THSD7B: variants seen among roughly 807,000 people sequenced by gnomAD.
The protein encoded by THSD7B is thrombospondin type-1 domain-containing protein 7B.
A neutral mutation model predicts 213.6 loss-of-function variants in THSD7B; 138 were observed. The observed-to-expected ratio is 0.65, with a 90% CI of 0.56 to 0.74. The LOEUF (loss-of-function observed/expected upper bound fraction) is 0.74. Ranked by LOEUF, THSD7B falls within the 30% of genes least tolerant of loss-of-function variation. The pLI, the probability that THSD7B is intolerant of heterozygous loss-of-function variation, is 0.00. For missense variants in THSD7B, 1,931 were observed against 1,991.5 expected (o/e 0.97, Z 0.58); for synonymous variants, 742 against 687.0 (o/e 1.08, Z -1.25).
At chr2:136,989,239 C>A (rs995166748) in intron 2 of THSD7B, among the ~76,000 whole-genome samples, 1 of 151,970 alleles carries the variant, frequency 6.6e-6, no homozygotes, top group Admixed American at 6.6e-5. Flanking sequence ...GATATTTTGT[C>A]CCCTTCAAAT....
intron 15 of THSD7B, among the ~76,000 whole-genome samples, chr2:137,526,337 T>A (rs1274634870): frequency 6.6e-6 from 1 of 152,222 alleles, no homozygotes; most frequent in Non-Finnish European, 1.5e-5. Context: ...AATGCAAAGC[T>A]GTGCCCTCAA....
intron 1 of THSD7B, among the ~76,000 whole-genome samples, chr2:136,774,909 G>A (rs1681572636): frequency 6.6e-6 from 1 of 152,048 alleles, no homozygotes. Context: ...ACAAACGAAT[G>A]TAAAGTCCAA....
At chr2:136,787,543 A>C (rs2104911287) in intron 1 of THSD7B, among the ~76,000 whole-genome samples, 1 of 152,280 alleles carries the variant, frequency 6.6e-6, no homozygotes, top group Admixed American at 6.5e-5. Flanking sequence ...AGTTTACAAA[A>C]GGAACCAACT....
At chr2:137,167,853 C>T (rs1266329039) in intron 6 of THSD7B, among the ~76,000 whole-genome samples, 2 of 152,182 alleles carry the variant, frequency 1.3e-5, no homozygotes, top group Admixed American at 6.5e-5. Context: ...GTACCTTCAA[C>T]TAAACCACGG....
chr2:137,352,705 C>T (rs183467958), intron 12 of THSD7B, among the ~76,000 whole-genome samples: 20 of 151,980 alleles, frequency 1.3e-4, no homozygotes, highest in African/African-American at 3.6e-4. Context: ...TTATGGACCA[C>T]GTGTCAGTGC....
chr2:137,366,575 A>G (rs948911296), intron 12 of THSD7B, among the ~76,000 whole-genome samples: 3 of 151,984 alleles, frequency 2.0e-5, no homozygotes, highest in Non-Finnish European at 2.9e-5. Flanking sequence ...TATGTGTTAC[A>G]TCTACTTCTG....
chr2:137,026,487 C>A (rs1686558455), intron 2 of THSD7B, among the ~76,000 whole-genome samples: 1 of 152,108 alleles, frequency 6.6e-6, no homozygotes, highest in African/African-American at 2.4e-5. Context: ...TTTGAGAGTC[C>A]ATGGTTTTTT....
At chr2:137,658,372 A>G (rs2104819035) in intron 24 of THSD7B, among the ~76,000 whole-genome samples, 1 of 152,344 alleles carries the variant, frequency 6.6e-6, no homozygotes, top group Non-Finnish European at 1.5e-5. Flanking sequence ...TTCCTCAGGC[A>G]CAGTGTATAA....
intron 2 of THSD7B, among the ~76,000 whole-genome samples, chr2:137,029,078 C>CTTTTTTTTT (rs11443045): frequency 1.7e-5 from 2 of 121,014 alleles, no homozygotes; most frequent in African/African-American, 3.2e-5. Flanking sequence ...TCTTTGTAAG[C>CTTTTTTTTT]TTTTTTTTTT....
At chr2:137,433,153 G>A (rs1327073745) in intron 14 of THSD7B, among the ~76,000 whole-genome samples, 1 of 152,114 alleles carries the variant, frequency 6.6e-6, no homozygotes, top group Non-Finnish European at 1.5e-5. Flanking sequence ...GCAAAAAGGA[G>A]CAGGGCGCTG....
intron 12 of THSD7B, among the ~76,000 whole-genome samples, chr2:137,349,141 A>G (rs1684953838): frequency 6.6e-6 from 1 of 151,644 alleles, no homozygotes; most frequent in South Asian, 2.1e-4. Context: ...ATTTGACTCT[A>G]CAATCAAAGT....
intron 4 of THSD7B, among the ~76,000 whole-genome samples, chr2:137,101,504 A>C (rs779289153): frequency 2.4e-4 from 37 of 152,314 alleles, no homozygotes; most frequent in African/African-American, 8.7e-4. Context: ...GTTTATTTTC[A>C]TATCCCAGTG....
At chr2:137,054,195 A>G (rs1449650165) in intron 2 of THSD7B, among the ~76,000 whole-genome samples, 1 of 152,224 alleles carries the variant, frequency 6.6e-6, no homozygotes, top group Non-Finnish European at 1.5e-5. Context: ...TCTCTATACT[A>G]TAAGCAGTCT....
chr2:137,065,063 A>C (rs546760269), intron 3 of THSD7B, among the ~76,000 whole-genome samples: 1 of 151,836 alleles, frequency 6.6e-6, no homozygotes, highest in Non-Finnish European at 1.5e-5. Context: ...AATATTATTG[A>C]TATTTTCATA....
At chr2:137,363,393 G>A (rs111606295) in intron 12 of THSD7B, among the ~76,000 whole-genome samples, 5,500 of 152,154 alleles carry the variant, frequency 0.036, 342 homozygotes, top group African/African-American at 0.13. Context: ...GATCAGAGCA[G>A]AACAGAAGGA....
intron 15 of THSD7B, among the ~76,000 whole-genome samples, chr2:137,542,669 A>G (rs1027508165): frequency 1.3e-4 from 20 of 151,740 alleles, no homozygotes; most frequent in African/African-American, 4.8e-4. Flanking sequence ...TAAACTTAGA[A>G]GTCTTGATAT....
intron 3 of THSD7B, among the ~76,000 whole-genome samples, chr2:137,079,876 G>A (rs2104903173): frequency 6.6e-6 from 1 of 152,162 alleles, no homozygotes; most frequent in East Asian, 1.9e-4. Flanking sequence ...GTCTCACTCT[G>A]TCACCCAGGT....
chr2:137,220,568 G>A (rs1402197860), intron 7 of THSD7B, among the ~76,000 whole-genome samples: 1 of 152,136 alleles, frequency 6.6e-6, no homozygotes, highest in Admixed American at 6.5e-5. Context: ...AACAGTTAGA[G>A]CAATGTAGAA....
intron 12 of THSD7B, among the ~76,000 whole-genome samples, chr2:137,326,955 G>A (rs1012491589): frequency 2.0e-5 from 3 of 152,128 alleles, no homozygotes; most frequent in Admixed American, 2.0e-4. Flanking sequence ...AATAATAAAT[G>A]AGCAAAATCT....
Sources: allele counts gnomAD v4.1 joint callset (sites outside exome capture counted in the v4.1 genomes callset), GRCh38; gene constraint gnomAD v4.1.1; transcripts MANE v1.5; gene names NCBI Gene and HGNC (gene_info 2026-07-23, HGNC 2026-07-21).